Variants in TMEM143 observed in about 807,000 individuals in gnomAD.
The protein encoded by TMEM143 is transmembrane protein 143.
TMEM143 carries 45 observed loss-of-function variants against 40.3 expected under a neutral mutation model. The observed-to-expected ratio is 1.12, with a 90% confidence interval of 0.88 to 1.43. The LOEUF is 1.43. TMEM143 is among the 40% of genes most tolerant of loss of function. The pLI is 0.00. For missense variants in TMEM143, 620 were observed against 613.4 expected, an observed-to-expected ratio of 1.01 and a Z score of -0.11; for synonymous variants, 299 against 282.7, an observed-to-expected ratio of 1.06 and a Z score of -0.58.
intron 2 of TMEM143, among the ~76,000 whole-genome samples, chr19:48,361,260 C>T (rs1312489863): frequency 2.0e-5 from 3 of 150,452 alleles, no homozygotes; most frequent in African/African-American, 7.3e-5. Context: ...CACTCTGTTG[C>T]CAAGGCTGGA....
chr19:48,358,413 T>C (rs1969961127), intron 3 of TMEM143, among the ~76,000 whole-genome samples: 1 of 150,652 alleles, frequency 6.6e-6, no homozygotes, highest in Non-Finnish European at 1.5e-5. Flanking sequence ...TTAGAATAAA[T>C]AAATTCATAA....
At chr19:48,345,482 TAG>T (rs1187546495) in intron 3 of TMEM143, 128 bp from the exon 4 acceptor site, 1 of 533,838 alleles carries the variant, frequency 1.9e-6, no homozygotes, top group Admixed American at 5.1e-5. Context: ...TTTATTGAGA[TAG>T]AGTCTCGCTC....
chr19:48,358,470 C>T (rs541376275), intron 3 of TMEM143, among the ~76,000 whole-genome samples: 2 of 152,028 alleles, frequency 1.3e-5, no homozygotes, highest in African/African-American at 2.4e-5. Flanking sequence ...GCTCTCAGTC[C>T]TCCCTGCAGA....
intron 5 of TMEM143, 50 bp downstream of exon 5, chr19:48,343,271 C>T (rs781503213): frequency 2.5e-5 from 40 of 1,586,696 alleles, no homozygotes; most frequent in South Asian, 2.1e-4. Flanking sequence ...CCCCTCTTGA[C>T]TCTAACCTTG....
chr19:48,357,389 C>T (rs1178788231), intron 3 of TMEM143, among the ~76,000 whole-genome samples: 4 of 40,766 alleles, frequency 9.8e-5, no homozygotes, highest in African/African-American at 3.8e-4. Context: ...GAGTCTCACT[C>T]TATCGCCCAG....
chr19:48,340,733 G>A (rs1045041329), intron 6 of TMEM143, among the ~76,000 whole-genome samples: 2 of 152,028 alleles, frequency 1.3e-5, no homozygotes. Flanking sequence ...GCCCTCCATG[G>A]TTGCAGCTTA....
intron 2 of TMEM143, among the ~76,000 whole-genome samples, chr19:48,362,249 A>T (rs1198095702): frequency 6.6e-6 from 1 of 152,158 alleles, no homozygotes; most frequent in Middle Eastern, 3.2e-3. Context: ...TGTTAAATTA[A>T]TGAATGATGG....
At chr19:48,357,349 CTT>C (rs1195099137) in intron 3 of TMEM143, among the ~76,000 whole-genome samples, 1,523 of 74,896 alleles carry the variant, frequency 0.02, 27 homozygotes, top group East Asian at 0.14. Context: ...GTCTATCTTT[CTT>C]TTTTTTTTTT....
At chr19:48,337,558 A>G (rs1273003636) in intron 6 of TMEM143, among the ~76,000 whole-genome samples, 2 of 37,020 alleles carry the variant, frequency 5.4e-5, no homozygotes, top group Admixed American at 5.1e-4. Flanking sequence ...AAAAAAGAAG[A>G]AAAAAAAAAA....
intron 4 of TMEM143, among the ~76,000 whole-genome samples, chr19:48,344,800 G>A (rs924274210): frequency 8.6e-5 from 13 of 152,004 alleles, no homozygotes; most frequent in South Asian, 2.1e-4. Flanking sequence ...TCCACCTCCC[G>A]GGTTCAAGAG....
intron 3 of TMEM143, among the ~76,000 whole-genome samples, chr19:48,352,696 A>G (rs1569034108): frequency 6.6e-6 from 1 of 151,886 alleles, no homozygotes; most frequent in Non-Finnish European, 1.5e-5. Context: ...AATCACTTGA[A>G]CCCAAGAGGC....
intron 3 of TMEM143, chr19:48,359,870 A>G: frequency 1.8e-6 from 1 of 557,894 alleles, no homozygotes; most frequent in Middle Eastern, 4.8e-4. Context: ...ACCACCAGGC[A>G]TCATATTTTA....
chr19:48,345,442 TTTCATTTATTTA>T, intron 3 of TMEM143, 88 bp from the exon 4 acceptor site: 2 of 587,144 alleles, frequency 3.4e-6, no homozygotes, highest in Non-Finnish European at 4.9e-6. Context: ...CTCCAGATAC[TTTCATTTATTTA>T]TTTATTTATT....
At chr19:48,350,331 T>C (rs1969737066) in intron 3 of TMEM143, among the ~76,000 whole-genome samples, 1 of 151,894 alleles carries the variant, frequency 6.6e-6, no homozygotes, top group Admixed American at 6.6e-5. Flanking sequence ...TTTAATGAAG[T>C]TCGTGGCTAC....
Position 48,343,310 on chromosome 19 carries a change from G to C in TMEM143, c.695+11C>G. On this transcript the variant is annotated intron_variant, in intron 5 of 7. Coordinates refer to ENST00000293261, the MANE Select transcript of TMEM143 (RefSeq NM_018273.4). ...CCTCTTGCTGCAGCTGGGGAACAAGGGCCGCCTCACCTCTCCGCAGGGGGC... is the reference window on the plus strand; with the variant it reads ...CCTCTTGCTGCAGCTGGGGAACAAGCGCCGCCTCACCTCTCCGCAGGGGGC... The C allele has an allele frequency of 6.2e-7, 1 of 1,608,400 alleles. No individual in the cohort carries two copies.
chr19:48,355,863 G>A (rs879360603), intron 3 of TMEM143, among the ~76,000 whole-genome samples: 1 of 152,196 alleles, frequency 6.6e-6, no homozygotes, highest in African/African-American at 2.4e-5. Flanking sequence ...GTCAGGGCCT[G>A]GAGCCACTGA....
intron 2 of TMEM143, among the ~76,000 whole-genome samples, chr19:48,362,686 C>T (rs1384088398): frequency 6.6e-6 from 1 of 152,170 alleles, no homozygotes; most frequent in African/African-American, 2.4e-5. Context: ...GGGGCACTCA[C>T]TCTTAGGGTC....
At chr19:48,363,214 A>C (rs1358716505) in intron 2 of TMEM143, 77 bp downstream of exon 2, 1 of 1,524,546 alleles carries the variant, frequency 6.6e-7, no homozygotes, top group Non-Finnish European at 8.8e-7. Context: ...AGCTCTCTGC[A>C]GCAACTAGGG....
chr19:48,362,954 T>C (rs2147392978), intron 2 of TMEM143, among the ~76,000 whole-genome samples: 1 of 152,330 alleles, frequency 6.6e-6, no homozygotes, highest in African/African-American at 2.4e-5. Context: ...TACAGCGTTG[T>C]GACTTTATAG....
Sources: gnomAD v4.1 joint callset for allele counts (sites outside exome capture counted in the v4.1 genomes callset) on GRCh38, gnomAD v4.1.1 for gene constraint, MANE v1.5 for transcripts, NCBI Gene and HGNC (gene_info 2026-07-23, HGNC 2026-07-21) for gene names.